Variants in ZMYND8 observed in about 807,000 individuals in gnomAD.
ZMYND8 encodes zinc finger MYND-type containing 8, also known as MYND-type zinc finger-containing chromatin reader ZMYND8.
ZMYND8 carries 37 observed loss-of-function variants against 140.8 expected under a neutral mutation model. The ratio of observed to expected loss-of-function variants is 0.26; its 90% confidence interval spans 0.20 to 0.35. The LOEUF (loss-of-function observed/expected upper bound fraction) is 0.35. Ranked by LOEUF, ZMYND8 falls within the 10% of genes least tolerant of loss-of-function variation. ZMYND8 has a pLI of 1.00. For missense variants in ZMYND8, 1,068 were observed against 1,570.0 expected, an observed-to-expected ratio of 0.68 and a Z score of 5.40; for synonymous variants, 592 against 597.1, an observed-to-expected ratio of 0.99 and a Z score of 0.12.
chr20:47,323,113 ACAAAGTG>A (rs2080110110), intron 2 of ZMYND8, among the ~76,000 whole-genome samples: 1 of 152,206 alleles, frequency 6.6e-6, no homozygotes, highest in African/African-American at 2.4e-5. Context: ...GATAATGCAT[ACAAAGTG>A]AATGAAAGGC....
chr20:47,346,646 G>A (rs1034989215), intron 2 of ZMYND8, among the ~76,000 whole-genome samples: 22 of 151,454 alleles, frequency 1.5e-4, no homozygotes, highest in Non-Finnish European at 2.7e-4. Context: ...TTGCTCTGTC[G>A]CCCAGGCTGG....
At chr20:47,356,479 G>A in intron 1 of ZMYND8, 178 bp downstream of exon 1, 1 of 1,580,326 alleles carries the variant, frequency 6.3e-7, no homozygotes, top group Non-Finnish European at 8.5e-7. Flanking sequence ...ATGGCTAATG[G>A]CTACTGAGCC....
chr20:47,213,898 A>C (rs1277664133), intron 21 of ZMYND8, among the ~76,000 whole-genome samples: 1 of 152,226 alleles, frequency 6.6e-6, no homozygotes, highest in Non-Finnish European at 1.5e-5. Flanking sequence ...GACCAGAATG[A>C]GCCGTGTAAA....
Position 47,224,486 on chromosome 20 carries a change from C to G in ZMYND8, c.3087G>C (p.Lys1029Asn). ...CCTGCTGCTTCTCCAACTCCAGCTGCTTCTTCACCTCGGCGATGAGCCGGT... is the reference window on the plus strand; with the variant it reads ...CCTGCTGCTTCTCCAACTCCAGCTGGTTCTTCACCTCGGCGATGAGCCGGT... ...ERDRLIAEVK[K>N]QLELEKQQAV... Residue 1029 changes from lysine (K) to asparagine (N), a missense_variant, in exon 19 of 23, where the codon AAG becomes AAC. Physicochemically the swap from Lys to Asn is moderately conservative, Grantham distance 94. Transcript: ENST00000471951. The G allele has an allele frequency of 6.2e-7, 1 of 1,614,256 alleles. No individual in the cohort carries two copies. The highest frequency in any genetic ancestry group is 8.5e-7 in the Non-Finnish European group (1 of 1,180,050).
chr20:47,343,846 T>A, intron 2 of ZMYND8, among the ~76,000 whole-genome samples: 1 of 151,994 alleles, frequency 6.6e-6, no homozygotes, highest in Non-Finnish European at 1.5e-5. Flanking sequence ...GGAGCATAGC[T>A]CTTCACTCCT....
At position 47,209,826 on chromosome 20, in the gene ZMYND8, C is replaced by A. The variant is rs188382531; in HGVS notation, c.*935G>T. 3.3e-5 allele frequency: 5 copies of A among 152,598 alleles called. No homozygotes were observed. Among genetic ancestry groups the A allele is most frequent in the Non-Finnish European group, 7.3e-5 (5 of 68,046 alleles). The allele number at this position is 152,598 out of a possible 1,614,324, so 9.5% of individuals were successfully genotyped here. On this transcript the variant is annotated 3_prime_UTR_variant, in exon 23 of 23. Coordinates refer to ENST00000471951, the MANE Select transcript of ZMYND8 (RefSeq NM_001281775.3). ...GTGAAATTCCATCATATAAATAATA[C>A]GTACATGCTTCATCCCAGACTCAAA...
Position 47,276,583 on chromosome 20 carries a change from G to A in ZMYND8, c.1211C>T (p.Pro404Leu). Reference protein sequence around the residue: ...QYQMLLDPTNPSAGTAKIDKQ... With the variant: ...QYQMLLDPTNLSAGTAKIDKQ... ...GTCTATCTTGGCAGTGCCGGCGCTGGGGTTGGTGGGATCGAGCAGCATTTG... is the reference window on the plus strand; with the variant it reads ...GTCTATCTTGGCAGTGCCGGCGCTGAGGTTGGTGGGATCGAGCAGCATTTG... The change falls in exon 11 of 23, where the codon CCC becomes CTC. Residue 404 changes from proline (P) to leucine (L), a missense_variant. Physicochemically the swap from Pro to Leu is moderately conservative, Grantham distance 98. Transcript: ENST00000471951. 6.2e-7 allele frequency: 1 copy of A among 1,613,908 alleles called. No homozygotes were observed.
chr20:47,232,897 G>GTTTT (rs144707608), intron 16 of ZMYND8, among the ~76,000 whole-genome samples: 29 of 70,180 alleles, frequency 4.1e-4, no homozygotes, highest in African/African-American at 1.1e-3. Context: ...GTTTTTTTTT[G>GTTTT]TTTTTTTTGT....
At chr20:47,342,089 T>C (rs1315679483) in intron 2 of ZMYND8, among the ~76,000 whole-genome samples, 1 of 150,446 alleles carries the variant, frequency 6.6e-6, no homozygotes, top group East Asian at 2.0e-4. Flanking sequence ...GGAGAATCAT[T>C]TGAAACCAGG....
chr20:47,300,930 G>GTGTGTGTGTGTGTGTA lies in ZMYND8; in HGVS notation c.235-1984_235-1983insTACACACACACACACA, dbSNP rs757554886. Reference sequence around the variant, plus strand: ...TGTGTGTGTGTGTGTGTGTGTGTGTGTGTGTTTTGTTTTGTTTTTTTTGTA... The same window carrying GTGTGTGTGTGTGTGTA: ...TGTGTGTGTGTGTGTGTGTGTGTGTGTGTGTGTGTGTGTGTATGTGTTTTGTTTTGTTTTTTTTGTA... On this transcript the variant is annotated intron_variant, in intron 3 of 22. Coordinates refer to ENST00000471951, the MANE Select transcript of ZMYND8 (RefSeq NM_001281775.3). 8.1e-4 allele frequency among the ~76,000 whole-genome samples: 114 copies of GTGTGTGTGTGTGTGTA among 141,410 alleles called. 3 individuals are homozygous for GTGTGTGTGTGTGTGTA. Among genetic ancestry groups the GTGTGTGTGTGTGTGTA allele is most frequent in the African/African-American group, 2.9e-3 (110 of 37,594 alleles). 92.8% of individuals were successfully genotyped at this position (141,410 alleles called of 152,430 possible).
rs538363022 is a variant in ZMYND8, at chr20:47,322,531, C to T, written c.86-12327G>A. Among the ~76,000 whole-genome samples the T allele has an allele frequency of 6.0e-5, 9 of 150,956 alleles. No homozygotes were observed. The South Asian group carries it at 1.9e-3, about 32-fold the overall frequency. ...TCTTGGCTCACTGCGACCTCCGCCT[C>T]CTGGGTTCAAGTGATTCCCCTGCCT... On this transcript the variant is annotated intron_variant, in intron 2 of 22. Coordinates refer to ENST00000471951, the MANE Select transcript of ZMYND8 (RefSeq NM_001281775.3).
chr20:47,237,195 T>G (rs2147162055), intron 15 of ZMYND8: 1 of 151,482 alleles, frequency 6.6e-6, no homozygotes, highest in East Asian at 1.9e-4. Flanking sequence ...CAGGCTGGAG[T>G]GCAGTGGTGC....
chr20:47,220,126 A>T, intron 21 of ZMYND8, 132 bp downstream of exon 21: 1 of 598,028 alleles, frequency 1.7e-6, no homozygotes, highest in Admixed American at 2.9e-5. Context: ...GACCCACCCC[A>T]GGCACCCCTA....
intron 4 of ZMYND8, among the ~76,000 whole-genome samples, chr20:47,296,774 A>T (rs2077663045): frequency 6.6e-6 from 1 of 151,674 alleles, no homozygotes; most frequent in African/African-American, 2.4e-5. Context: ...TAGGTAACAT[A>T]GCAAGACCCT....
chr20:47,263,504 C>T lies in ZMYND8; in HGVS notation c.1481-1076G>A, dbSNP rs374608290. On this transcript the variant is annotated intron_variant, in intron 11 of 22. Transcript: ENST00000471951. Reference sequence around the variant, plus strand: ...GCTTCAGTGTGTTGAAACTCACATACCACTCGGCTGGTGAATCCAAGTAAG... The same window carrying T: ...GCTTCAGTGTGTTGAAACTCACATATCACTCGGCTGGTGAATCCAAGTAAG... 4.4e-4 allele frequency among the ~76,000 whole-genome samples: 67 copies of T among 152,344 alleles called. No homozygotes were observed. In the South Asian group the frequency reaches 0.013, roughly 30 times the overall value.
intron 2 of ZMYND8, among the ~76,000 whole-genome samples, chr20:47,315,385 G>A (rs1039230120): frequency 6.6e-6 from 1 of 152,174 alleles, no homozygotes; most frequent in African/African-American, 2.4e-5. Flanking sequence ...CCAAGGGGTC[G>A]AAATTTGATA....
chr20:47,271,071 C>T (rs184109403), intron 11 of ZMYND8, among the ~76,000 whole-genome samples: 24 of 151,606 alleles, frequency 1.6e-4, no homozygotes, highest in Admixed American at 7.2e-4. Flanking sequence ...AGTGAGACTC[C>T]GTCTAAAAAG....
intron 12 of ZMYND8, among the ~76,000 whole-genome samples, chr20:47,251,101 CA>C (rs2074133482): frequency 6.6e-6 from 1 of 152,034 alleles, no homozygotes; most frequent in Non-Finnish European, 1.5e-5. Context: ...CTCCCAGACC[CA>C]GGGAGATTCC....
intron 21 of ZMYND8, among the ~76,000 whole-genome samples, chr20:47,216,605 C>T (rs2146846337): frequency 6.7e-6 from 1 of 149,894 alleles, no homozygotes; most frequent in Non-Finnish European, 1.5e-5. Context: ...GTCAGGGGTT[C>T]AAGACCAGCC....
Sources: allele counts gnomAD v4.1 joint callset (sites outside exome capture counted in the v4.1 genomes callset), GRCh38; gene constraint gnomAD v4.1.1; transcripts MANE v1.5; gene names NCBI Gene and HGNC (gene_info 2026-07-23, HGNC 2026-07-21).